The following PRR5L variants were observed in gnomAD, a reference collection of about 807,000 sequenced individuals.
PRR5L encodes the protein proline rich 5 like, also known as proline-rich protein 5-like.
In PRR5L, 21 loss-of-function variants were observed where a neutral mutation model predicts 36.4. The ratio of observed to expected loss-of-function variants is 0.58; its 90% CI spans 0.41 to 0.83. The LOEUF (loss-of-function observed/expected upper bound fraction) is 0.83, where lower values mean the gene tolerates loss of function less well. PRR5L is among the 40% of genes least tolerant of loss of function. The pLI, the probability that PRR5L is intolerant of heterozygous loss-of-function variation, is 0.00. For missense variants in PRR5L, 381 were observed against 473.3 expected, an observed-to-expected ratio of 0.80 and a Z score of 1.81; for synonymous variants, 188 against 197.0, an observed-to-expected ratio of 0.95 and a Z score of 0.38.
At chr11:36,400,206 G>T (rs1004794093) in intron 1 of PRR5L, among the ~76,000 whole-genome samples, 9 of 152,352 alleles carry the variant, frequency 5.9e-5, no homozygotes, top group African/African-American at 2.2e-4. Flanking sequence ...GACTGTGCAT[G>T]ACATAGAAGA....
intron 1 of PRR5L, among the ~76,000 whole-genome samples, chr11:36,297,075 T>G (rs1483916084): frequency 6.6e-6 from 1 of 152,204 alleles, no homozygotes; most frequent in Non-Finnish European, 1.5e-5. Context: ...GATAGATACT[T>G]TATGATCTCT....
intron 6 of PRR5L, among the ~76,000 whole-genome samples, chr11:36,438,864 G>A (rs1858660886): frequency 6.6e-6 from 1 of 152,132 alleles, no homozygotes; most frequent in African/African-American, 2.4e-5. Flanking sequence ...GAGCCCAGAC[G>A]ATTGAAGCTG....
At chr11:36,459,059 C>A (rs1487503429) in intron 8 of PRR5L, among the ~76,000 whole-genome samples, 3 of 152,158 alleles carry the variant, frequency 2.0e-5, no homozygotes, top group Non-Finnish European at 4.4e-5. Context: ...CAGAATCCAC[C>A]CATCCCCCAG....
chr11:36,380,792 T>G (rs1330460872), intron 1 of PRR5L, among the ~76,000 whole-genome samples: 1 of 152,194 alleles, frequency 6.6e-6, no homozygotes, highest in Non-Finnish European at 1.5e-5. Context: ...GTAGAGGACA[T>G]TCTCTGCTTT....
At chr11:36,333,542 C>G (rs7124910) in intron 1 of PRR5L, among the ~76,000 whole-genome samples, 89,496 of 152,078 alleles carry the variant, frequency 0.59, 27,268 homozygotes, top group East Asian at 0.88. Context: ...ATACAACTCA[C>G]TCATAAAAAA....
At chr11:36,369,225 A>T (rs1163418638) in intron 1 of PRR5L, among the ~76,000 whole-genome samples, 1 of 152,198 alleles carries the variant, frequency 6.6e-6, no homozygotes, top group East Asian at 1.9e-4. Flanking sequence ...GCCAGTCCTG[A>T]TGACTGCAGT....
rs1857281597 is a variant in PRR5L, at chr11:36,377,251, G to A, written c.-125-23746G>A. On this transcript the variant is annotated intron_variant, in intron 1 of 8. Coordinates refer to ENST00000530639, the MANE Select transcript of PRR5L (RefSeq NM_001160167.2). The surrounding 1 kb of genome is among the most constrained non-coding windows in gnomAD (Gnocchi z 5.1). Reference sequence around the variant, plus strand: ...TTGTCCCGTGCGCTGCTGCACGCGCGCGCTCTGCGGACTAGGGTGGGCCAG... The same window carrying A: ...TTGTCCCGTGCGCTGCTGCACGCGCACGCTCTGCGGACTAGGGTGGGCCAG... Among the ~76,000 whole-genome samples, 1 of 152,338 alleles carries A rather than the reference G, an allele frequency of 6.6e-6. No homozygotes were observed. The highest frequency in any genetic ancestry group is 2.1e-4 in the South Asian group (1 of 4,832).
At chr11:36,364,390 G>A (rs1857123780) in intron 1 of PRR5L, among the ~76,000 whole-genome samples, 1 of 152,158 alleles carries the variant, frequency 6.6e-6, no homozygotes, top group Admixed American at 6.5e-5. Context: ...TAAATGCAGA[G>A]ATTTGGGGAT....
intron 5 of PRR5L, among the ~76,000 whole-genome samples, chr11:36,434,897 G>C (rs1055377603): frequency 4.6e-5 from 7 of 152,070 alleles, no homozygotes; most frequent in African/African-American, 1.7e-4. Context: ...TTCTCGGGAG[G>C]CGTCTTACTG....
intron 8 of PRR5L, among the ~76,000 whole-genome samples, chr11:36,452,584 T>C (rs1858967197): frequency 6.6e-6 from 1 of 152,204 alleles, no homozygotes; most frequent in Admixed American, 6.5e-5. Context: ...TCAATGACAC[T>C]GAAGGAAAAC....
At chr11:36,433,707 G>A (rs111404232) in intron 5 of PRR5L, among the ~76,000 whole-genome samples, 1 of 152,080 alleles carries the variant, frequency 6.6e-6, no homozygotes, top group Admixed American at 6.5e-5. Flanking sequence ...GTGCCACCAC[G>A]CCCAGCTAAT....
chr11:36,413,595 C>T (rs1006620426), intron 3 of PRR5L, among the ~76,000 whole-genome samples: 12 of 151,930 alleles, frequency 7.9e-5, no homozygotes, highest in South Asian at 2.1e-4. Flanking sequence ...GTATTAGTAA[C>T]GGTAGCTTAT....
chr11:36,456,121 A>G (rs993862086), intron 8 of PRR5L, among the ~76,000 whole-genome samples: 2 of 152,184 alleles, frequency 1.3e-5, no homozygotes, highest in Non-Finnish European at 2.9e-5. Flanking sequence ...AGGGCTGAGC[A>G]CAGAGGCCCT....
At chr11:36,369,491 C>A (rs1054839537) in intron 1 of PRR5L, among the ~76,000 whole-genome samples, 1 of 152,114 alleles carries the variant, frequency 6.6e-6, no homozygotes, top group Non-Finnish European at 1.5e-5. Context: ...TGTGATGGTT[C>A]CTGGAAAAGG....
At position 36,357,053 on chromosome 11, in the gene PRR5L, C is replaced by T. The variant is rs185458483; in HGVS notation, c.-125-43944C>T. Among the ~76,000 whole-genome samples the T allele has an allele frequency of 9.9e-5, 15 of 152,274 alleles. No homozygotes were observed. In the East Asian group the frequency reaches 2.7e-3, roughly 27 times the overall value. ...GTTCTTGAAATTAAAAGTGCTACTC[C>T]AGTGAACTCAATAATAATAAGAAGC... On this transcript the variant is annotated intron_variant, in intron 1 of 8. Coordinates refer to ENST00000530639, the MANE Select transcript of PRR5L (RefSeq NM_001160167.2).
chr11:36,431,713 A>G, intron 4 of PRR5L, 140 bp from the exon 5 acceptor site: 1 of 672,178 alleles, frequency 1.5e-6, no homozygotes, highest in East Asian at 2.6e-5. Flanking sequence ...AAGAGGAAAA[A>G]AGGCTTCTTA....
chr11:36,389,801 G>A (rs1239599274), intron 1 of PRR5L, among the ~76,000 whole-genome samples: 5 of 151,964 alleles, frequency 3.3e-5, no homozygotes, highest in Admixed American at 1.3e-4. Flanking sequence ...TGGTAGAGAC[G>A]GGGGTTTCGC....
chr11:36,349,150 T>A (rs1856896393), intron 1 of PRR5L, among the ~76,000 whole-genome samples: 1 of 151,838 alleles, frequency 6.6e-6, no homozygotes. Flanking sequence ...CCGGGCATGG[T>A]GGCGGGCGCC....
chr11:36,454,936 C>A (rs1787881421), intron 8 of PRR5L: 1 of 152,186 alleles, frequency 6.6e-6, no homozygotes, highest in Non-Finnish European at 1.5e-5. Context: ...GATAGTGAAA[C>A]TTTTTTTTAA....
Sources: allele counts gnomAD v4.1 joint callset (sites outside exome capture counted in the v4.1 genomes callset), GRCh38; gene constraint gnomAD v4.1.1; non-coding constraint Gnocchi (gnomAD v3.1); transcripts MANE v1.5; gene names NCBI Gene and HGNC (gene_info 2026-07-23, HGNC 2026-07-21).